MFSD11: variants seen among roughly 807,000 people sequenced by gnomAD.
MFSD11 encodes the protein UNC93-like protein MFSD11.
MFSD11 carries 36 observed loss-of-function variants against 53.5 expected under a neutral mutation model. The observed-to-expected ratio is 0.67, with a 90% CI of 0.52 to 0.89. The LOEUF (loss-of-function observed/expected upper bound fraction) is 0.89. MFSD11 is among the 40% of genes least tolerant of loss of function. The pLI is 0.00. For synonymous variants in MFSD11, 186 were observed against 184.9 expected (o/e 1.01, Z -0.05); for missense variants, 530 against 543.9 (o/e 0.97, Z 0.25).
the MFSD11 span, among the ~76,000 whole-genome samples, chr17:76,800,412 C>G: frequency 6.6e-6 from 1 of 152,152 alleles, no homozygotes; most frequent in African/African-American, 2.4e-5. Context: ...CAGAGGGAAG[C>G]ATTGCCTCTG....
intron 8 of MFSD11, among the ~76,000 whole-genome samples, chr17:76,758,623 T>TA (rs2079890651): frequency 6.9e-6 from 1 of 145,700 alleles, no homozygotes; most frequent in Non-Finnish European, 1.5e-5. Context: ...AAAATAAATG[T>TA]AAAACTTCAG....
intron 12 of MFSD11, among the ~76,000 whole-genome samples, chr17:76,777,485 TGG>T: frequency 6.6e-6 from 1 of 152,310 alleles, no homozygotes; most frequent in East Asian, 1.9e-4. Flanking sequence ...TCCGCCCGCT[TGG>T]GCCCCACAAA....
rs2078357461 is a variant in MFSD11 at position 76,744,295 on chromosome 17, ATCTTGTTTCT to A, written c.497-22_497-13del. 6.3e-7 allele frequency: 1 copy of A among 1,597,846 alleles called. No individual in the cohort carries two copies. The highest frequency in any genetic ancestry group is 1.4e-5 in the African/African-American group (1 of 73,844). ...ATTCTGGAATTGTTTGGTCGATACTATCTTGTTTCTTCTTTTTTCTCCGTAGAGAGTGACC... is the reference window on the plus strand; with the variant it reads ...ATTCTGGAATTGTTTGGTCGATACTATCTTTTTTCTCCGTAGAGAGTGACC... On this transcript the variant is annotated splice_polypyrimidine_tract_variant and intron_variant, in intron 6 of 12. Transcript: ENST00000685175.
the MFSD11 span, among the ~76,000 whole-genome samples, chr17:76,797,050 T>A: frequency 1.3e-3 from 203 of 152,086 alleles, 3 homozygotes; most frequent in African/African-American, 4.6e-3. Flanking sequence ...GCGCCTGTAG[T>A]CCCAACTACT....
intron 6 of MFSD11, among the ~76,000 whole-genome samples, chr17:76,743,788 G>T (rs2078306724): frequency 6.6e-6 from 1 of 152,006 alleles, no homozygotes; most frequent in African/African-American, 2.4e-5. Flanking sequence ...AGCTAATTTT[G>T]TATTTTTAGT....
intron 8 of MFSD11, among the ~76,000 whole-genome samples, chr17:76,754,927 T>C (rs1012532962): frequency 3.3e-5 from 5 of 151,936 alleles, no homozygotes; most frequent in African/African-American, 1.2e-4. Context: ...AGAAATTAAA[T>C]AATTTAAGGG....
At chr17:76,742,695 G>A (rs1012935858) in intron 5 of MFSD11, among the ~76,000 whole-genome samples, 34 of 151,906 alleles carry the variant, frequency 2.2e-4, no homozygotes, top group Non-Finnish European at 7.4e-5. Context: ...TAGTAGAGAC[G>A]GAGTTTCACT....
chr17:76,737,542 T>G, upstream of MFSD11: 2 of 263,508 alleles, frequency 7.6e-6, no homozygotes, highest in Non-Finnish European at 7.2e-6. Context: ...GGAGCGGAAT[T>G]AGCGGGCAGT....
At chr17:76,794,497 C>A in the MFSD11 span, among the ~76,000 whole-genome samples, 1 of 133,886 alleles carries the variant, frequency 7.5e-6, no homozygotes, top group African/African-American at 2.8e-5. Context: ...AAAAAATTAG[C>A]CAGGCGTGGT....
intron 3 of MFSD11, 33 bp downstream of exon 3, chr17:76,741,097 G>T: frequency 1.6e-6 from 2 of 1,231,050 alleles, no homozygotes; most frequent in South Asian, 2.4e-5. Context: ...TATTTAATCA[G>T]AACACTTGTC....
intron 5 of MFSD11, 58 bp downstream of exon 5, chr17:76,742,331 AT>A: frequency 2.1e-6 from 3 of 1,414,088 alleles, no homozygotes; most frequent in Non-Finnish European, 2.0e-6. Context: ...CTGTCATACC[AT>A]TTTTTAGGTC....
At chr17:76,743,705 C>A (rs994197859) in intron 6 of MFSD11, among the ~76,000 whole-genome samples, 1 of 152,192 alleles carries the variant, frequency 6.6e-6, no homozygotes, top group Admixed American at 6.5e-5. Flanking sequence ...CAACCTCCGC[C>A]TCCCGGGTTC....
downstream of MFSD11, among the ~76,000 whole-genome samples, chr17:76,784,601 C>T (rs546705690): frequency 1.3e-4 from 19 of 151,264 alleles, no homozygotes; most frequent in South Asian, 4.0e-3. Flanking sequence ...CATTAAAAGA[C>T]AGTTATCCTC....
rs2078376720 is a variant in MFSD11, at chr17:76,744,474, G to A, written c.641+8G>A. Reference sequence around the variant, plus strand: ...GGACATGGAAGTCAACGAGTAAGATGTTGGAAACATTCTATTTTATTTTAA... The same window carrying A: ...GGACATGGAAGTCAACGAGTAAGATATTGGAAACATTCTATTTTATTTTAA... On this transcript the variant is annotated splice_region_variant and intron_variant, in intron 7 of 12. Transcript: ENST00000685175. 17 of 1,604,002 alleles carry A rather than the reference G, an allele frequency of 1.1e-5. No homozygotes were observed. Among genetic ancestry groups the A allele is most frequent in the South Asian group, 9.0e-5 (8 of 89,300 alleles).
At chr17:76,781,409 C>T (rs953458874), downstream of MFSD11, 5 of 152,212 alleles carry the variant, frequency 3.3e-5, no homozygotes, top group Non-Finnish European at 5.9e-5. Flanking sequence ...ATCACTGTTG[C>T]ACTCTGTCTG....
At chr17:76,755,174 G>A (rs920551689) in intron 8 of MFSD11, among the ~76,000 whole-genome samples, 8 of 150,664 alleles carry the variant, frequency 5.3e-5, no homozygotes, top group East Asian at 2.0e-4. Context: ...CTGATATCAC[G>A]CCACTGCACT....
chr17:76,775,762 GA>G (rs2081771756), intron 11 of MFSD11, among the ~76,000 whole-genome samples: 1 of 152,180 alleles, frequency 6.6e-6, no homozygotes, highest in Non-Finnish European at 1.5e-5. Context: ...TCAGGTTACA[GA>G]TTTTCAGATT....
At chr17:76,753,068 A>G (rs1460413692) in intron 7 of MFSD11, 1 of 152,020 alleles carries the variant, frequency 6.6e-6, no homozygotes, top group African/African-American at 2.4e-5. Context: ...TGTTGGTTAC[A>G]GTTCCCAAAA....
At chr17:76,794,196 C>T in the MFSD11 span, among the ~76,000 whole-genome samples, 2 of 151,346 alleles carry the variant, frequency 1.3e-5, no homozygotes, top group Non-Finnish European at 2.9e-5. Context: ...TTAAAAATCT[C>T]ATCTGGGCTG....
Sources: gnomAD v4.1 joint callset for allele counts (sites outside exome capture counted in the v4.1 genomes callset) on GRCh38, gnomAD v4.1.1 for gene constraint, MANE v1.5 for transcripts, NCBI Gene and HGNC (gene_info 2026-07-23, HGNC 2026-07-21) for gene names.